Variants in LHX1 observed in about 807,000 individuals in gnomAD.
LHX1 encodes LIM homeobox 1.
In LHX1, 9 loss-of-function variants were observed where a neutral mutation model predicts 34.1. The observed-to-expected ratio is 0.26, with a 90% CI of 0.16 to 0.46. The LOEUF (loss-of-function observed/expected upper bound fraction) is 0.46, where lower values mean the gene tolerates loss of function less well. LHX1 is among the 20% of genes least tolerant of loss of function. The pLI is 1.00. For missense variants in LHX1, 446 were observed against 559.1 expected (o/e 0.80, Z 2.04); for synonymous variants, 254 against 241.5 (o/e 1.05, Z -0.48).
chr17:36,937,042 C>CAAA (rs113265097), upstream of LHX1: 3 of 235,490 alleles, frequency 1.3e-5, no homozygotes, highest in African/African-American at 5.2e-5. Flanking sequence ...AAAAGAAAAA[C>CAAA]AAAAAAAAAA....
chr17:36,937,419 T>C (rs977583580), upstream of LHX1: 3 of 327,364 alleles, frequency 9.2e-6, no homozygotes, highest in Non-Finnish European at 1.8e-5. Context: ...CTGTTTTCGA[T>C]TGACACAAAC....
In LHX1 at chr17:36,943,314, C is replaced by G; in HGVS notation, c.*183C>G. 1.4e-6 allele frequency: 1 copy of G among 708,366 alleles called. No homozygotes were observed. Among genetic ancestry groups the G allele is most frequent in the Non-Finnish European group, 2.2e-6 (1 of 451,836 alleles). The allele number at this position is 708,366 out of a possible 1,614,324, so 43.9% of individuals were successfully genotyped here. ...CACGAAATAGGATCCAAATCGGCCT[C>G]GAGGTGGGACTGGGATCCGCGCACT... On this transcript the variant is annotated 3_prime_UTR_variant, in exon 5 of 5. Coordinates refer to ENST00000614239, the MANE Select transcript of LHX1 (RefSeq NM_005568.5).
chr17:36,942,097 G>A (rs918368714), intron 3 of LHX1, 103 bp from the exon 4 acceptor site: 1 of 1,219,344 alleles, frequency 8.2e-7, no homozygotes, highest in Non-Finnish European at 1.1e-6. Context: ...GCGCGCGCGC[G>A]GTGTCGGCTA....
At chr17:36,936,865 T>G, upstream of LHX1, 1 of 211,328 alleles carries the variant, frequency 4.7e-6, no homozygotes. Context: ...GACCAGGGAC[T>G]GAGGGACGCG....
intron 3 of LHX1, among the ~76,000 whole-genome samples, chr17:36,941,706 G>A (rs1225416267): frequency 6.6e-6 from 1 of 152,260 alleles, no homozygotes; most frequent in Non-Finnish European, 1.5e-5. Context: ...AGAGGCTGTG[G>A]ATAAGTATGT....
chr17:36,937,277 G>T (rs1470442653), upstream of LHX1: 3 of 442,514 alleles, frequency 6.8e-6, no homozygotes, highest in South Asian at 4.8e-5. Flanking sequence ...CCTCCCGAAG[G>T]AGCCCGGGCG....
chr17:36,942,666 C>A (rs1334259741), intron 4 of LHX1, 86 bp from the exon 5 acceptor site: 8 of 1,358,316 alleles, frequency 5.9e-6, no homozygotes, highest in Non-Finnish European at 7.8e-6. Context: ...TTCCTCAGCC[C>A]GCCGAGGTCG....
Position 36,942,384 on chromosome 17 carries a change from GC to G in LHX1, c.841+20del, listed in dbSNP as rs1567957992. ...TACGGAGGTGGGTGCGCGCCGAATG[GC>G]GGGGCGCGGCCAGGTCGGGGCGGGC... On this transcript the variant is annotated intron_variant, in intron 4 of 4. Coordinates refer to ENST00000614239, the MANE Select transcript of LHX1 (RefSeq NM_005568.5). 7 of 1,567,172 alleles carry G rather than the reference GC, an allele frequency of 4.5e-6. No homozygotes were observed. Among genetic ancestry groups the G allele is most frequent in the Non-Finnish European group, 6.0e-6 (7 of 1,157,102 alleles).
intron 1 of LHX1, 31 bp from the exon 2 acceptor site, chr17:36,940,259 G>GCCCCCCCCC: frequency 1.4e-4 from 40 of 288,512 alleles, no homozygotes; most frequent in South Asian, 2.1e-4. Flanking sequence ...ACCCATCCCC[G>GCCCCCCCCC]CCCCCGCCCC....
At chr17:36,941,522 G>A (rs976332596) in intron 3 of LHX1, 2 of 272,402 alleles carry the variant, frequency 7.3e-6, no homozygotes, top group Non-Finnish European at 1.4e-5. Context: ...CTCAGTGCTA[G>A]GTGTCCGGTT....
chr17:36,943,113 C>T lies in LHX1; in HGVS notation c.1203C>T (p.Asn401=). The T allele has an allele frequency of 4.3e-6, 7 of 1,612,002 alleles. No homozygotes were observed. Among genetic ancestry groups the T allele is most frequent in the East Asian group, 2.2e-5 (1 of 44,818 alleles). Reference sequence around the variant, plus strand: ...ACCTGTCCCACCCCCCCGAAATGAACGAGGCGGCCGTGTGGTAGCGGGGTC... The same window carrying T: ...ACCTGTCCCACCCCCCCGAAATGAATGAGGCGGCCGTGTGGTAGCGGGGTC... ...GNHLSHPPEM[N]EAAVW The change falls in exon 5 of 5, where the codon AAC becomes AAT. Residue 401 remains asparagine (N), a synonymous_variant. Coordinates refer to ENST00000614239, the MANE Select transcript of LHX1 (RefSeq NM_005568.5).
At chr17:36,940,916 A>C in intron 3 of LHX1, 29 bp downstream of exon 3, 2 of 1,553,858 alleles carry the variant, frequency 1.3e-6, no homozygotes, top group Middle Eastern at 3.3e-4. Flanking sequence ...TCTCCATCCC[A>C]CAGAGGCCCA....
chr17:36,937,403 C>T, upstream of LHX1: 1 of 332,468 alleles, frequency 3.0e-6, no homozygotes, highest in Non-Finnish European at 5.9e-6. Flanking sequence ...ACGGAGTTGT[C>T]CCTCTCTGTT....
intron 4 of LHX1, among the ~76,000 whole-genome samples, 169 bp downstream of exon 4, chr17:36,942,534 A>G (rs1490181724): frequency 6.6e-6 from 1 of 152,118 alleles, no homozygotes; most frequent in Non-Finnish European, 1.5e-5. Flanking sequence ...CCGAGGACCC[A>G]ATTCACGGCC....
In LHX1 at chr17:36,937,895, C is replaced by G; in HGVS notation, c.-303C>G. ...CTCCGCGGGCTCTGAGCAGAAGGGT[C>G]GCATTCTCTCCCGCCTGAGACTTCT... On this transcript the variant is annotated 5_prime_UTR_variant, in exon 1 of 5. Coordinates refer to ENST00000614239, the MANE Select transcript of LHX1 (RefSeq NM_005568.5). 1.7e-6 allele frequency: 1 copy of G among 596,762 alleles called. No homozygotes were observed. The highest frequency in any genetic ancestry group is 3.1e-6 in the Non-Finnish European group (1 of 322,576). The allele number at this position is 596,762 out of a possible 1,614,324, so 37.0% of individuals were successfully genotyped here. A position where few individuals can be genotyped will look rare whatever the true frequency, so the allele number is the denominator to read the frequency against.
At chr17:36,942,103 G>C (rs552317387) in intron 3 of LHX1, 97 bp from the exon 4 acceptor site, 489 of 1,337,400 alleles carry the variant, frequency 3.7e-4, no homozygotes, top group Non-Finnish European at 4.8e-4. Context: ...GCGCGGTGTC[G>C]GCTAGCCAGG....
At chr17:36,940,253 A>AT in intron 1 of LHX1, 37 bp from the exon 2 acceptor site, 21 of 507,866 alleles carry the variant, frequency 4.1e-5, no homozygotes, top group Non-Finnish European at 5.5e-5. Context: ...TGGCTGACCC[A>AT]TCCCCGCCCC....
chr17:36,942,239 A>G lies in LHX1; in HGVS notation c.715A>G (p.Lys239Glu). 6.2e-7 allele frequency: 1 copy of G among 1,602,056 alleles called. No individual in the cohort carries two copies. Among genetic ancestry groups the G allele is most frequent in the Non-Finnish European group, 8.5e-7 (1 of 1,176,816 alleles). The change falls in exon 4 of 5, where the codon AAG becomes GAG. Residue 239 changes from lysine (K) to glutamate (E), a missense_variant. Transcript: ENST00000614239. Reference protein sequence around the residue: ...QNRRSKERRMKQLSALGARRH... With the variant: ...QNRRSKERRMEQLSALGARRH... ...CCGGCGCTCCAAGGAGCGGAGGATG[A>G]AGCAGCTGAGCGCCCTGGGCGCCCG... is the stretch of plus-strand genomic sequence containing the variant.
rs914771898 is a variant in LHX1, at chr17:36,942,977, G to A, written c.1067G>A (p.Ser356Asn). 1.2e-6 allele frequency: 2 copies of A among 1,611,028 alleles called. No individual in the cohort carries two copies. Among genetic ancestry groups the A allele is most frequent in the Non-Finnish European group, 1.7e-6 (2 of 1,179,252 alleles). Reference protein sequence around the residue: ...ILAHPPGDSPSPEPSLPGPLH... With the variant: ...ILAHPPGDSPNPEPSLPGPLH... ...GCGCACCCACCCGGGGACTCGCCCA[G>A]CCCCGAGCCCAGCCTGCCCGGGCCT... Residue 356 changes from serine (S) to asparagine (N), a missense_variant, in exon 5 of 5, where the codon AGC becomes AAC. Around this residue, in one of 3 missense-constraint regions of LHX1, gnomAD observed 235 missense variants for 224.4 expected, o/e 1.05. Coordinates refer to ENST00000614239, the MANE Select transcript of LHX1 (RefSeq NM_005568.5).
Sources: allele counts gnomAD v4.1 joint callset (sites outside exome capture counted in the v4.1 genomes callset), GRCh38; gene constraint gnomAD v4.1.1; regional missense constraint gnomAD v4.1.1; transcripts MANE v1.5; gene names NCBI Gene and HGNC (gene_info 2026-07-23, HGNC 2026-07-21).